CNOT10: variants seen among roughly 807,000 people sequenced by gnomAD.
CNOT10 encodes the protein CCR4-NOT transcription complex subunit 10, also known as CCR4-NOT transcription complex, subunit 10.
In CNOT10, 30 loss-of-function variants were observed where a neutral mutation model predicts 94.6. The observed-to-expected ratio is 0.32, with a 90% CI of 0.24 to 0.43. The LOEUF (loss-of-function observed/expected upper bound fraction) is 0.43, where lower values mean the gene tolerates loss of function less well. Among genes scored for constraint, CNOT10 ranks in the 20% least tolerant of loss-of-function variants. The pLI is 1.00. For synonymous variants in CNOT10, 289 were observed against 301.6 expected, an observed-to-expected ratio of 0.96 and a Z score of 0.43; for missense variants, 759 against 877.2, an observed-to-expected ratio of 0.87 and a Z score of 1.70.
At chr3:32,720,891 TTTCCTTCCTTCCTTCC>T (rs745348303) in intron 8 of CNOT10, among the ~76,000 whole-genome samples, 1,442 of 107,354 alleles carry the variant, frequency 0.013, 16 homozygotes, top group African/African-American at 0.035. Context: ...TTTTCCTTCT[TTTCCTTCCTTCCTTCC>T]TTCCTTCCTT....
intron 13 of CNOT10, among the ~76,000 whole-genome samples, chr3:32,741,507 C>T (rs912232572): frequency 3.9e-5 from 6 of 152,036 alleles, no homozygotes; most frequent in South Asian, 2.1e-4. Context: ...TGGTGGCTCA[C>T]GTCTGTAATC....
chr3:32,772,025 TAGAAAAG>T (rs1700929679), intron 18 of CNOT10, among the ~76,000 whole-genome samples: 1 of 152,078 alleles, frequency 6.6e-6, no homozygotes, highest in African/African-American at 2.4e-5. Flanking sequence ...TAGCATGAAG[TAGAAAAG>T]AGACATGAAT....
intron 3 of CNOT10, among the ~76,000 whole-genome samples, chr3:32,706,025 A>C (rs1273321498): frequency 6.6e-6 from 1 of 152,142 alleles, no homozygotes; most frequent in Non-Finnish European, 1.5e-5. Flanking sequence ...TTATTATCTC[A>C]GTTTTAAAAC....
intron 13 of CNOT10, among the ~76,000 whole-genome samples, chr3:32,754,257 C>G (rs1700098215): frequency 6.6e-6 from 1 of 151,170 alleles, no homozygotes; most frequent in South Asian, 2.1e-4. Context: ...GTGGGAGGAT[C>G]ATGAGGTCAG....
chr3:32,764,498 A>G lies in CNOT10; in HGVS notation c.1876+8A>G, dbSNP rs1455988676. On this transcript the variant is annotated splice_region_variant and intron_variant, in intron 16 of 18. Transcript: ENST00000328834. ...ATGAAGCAATGGAATCCTGTAAGTA[A>G]GAAGTTTTGTGATACTTAAGTAGCC... The G allele has an allele frequency of 1.2e-5, 19 of 1,613,214 alleles. No homozygotes were observed. Among genetic ancestry groups the G allele is most frequent in the Non-Finnish European group, 1.6e-5 (19 of 1,179,768 alleles).
At position 32,766,399 on chromosome 3, in the gene CNOT10, G is replaced by A. The variant is rs1401066238; in HGVS notation, c.2004+1590G>A. On this transcript the variant is annotated intron_variant, in intron 17 of 18. Transcript: ENST00000328834. ...TGTAATCCCAGCACTTTGGGAGGCC[G>A]AGGTGGGCGGATCATGAGGTCAGGA... 4.3e-5 allele frequency among the ~76,000 whole-genome samples: 2 copies of A among 46,954 alleles called. 1 individual carries two copies. The highest frequency in any genetic ancestry group is 5.6e-4 in the Admixed American group (2 of 3,546). The allele number at this position is 46,954 out of a possible 152,430, so 30.8% of individuals were successfully genotyped here. A position where few individuals can be genotyped will look rare whatever the true frequency, so the allele number is the denominator to read the frequency against.
At chr3:32,693,543 CTTTT>C (rs374393225) in intron 1 of CNOT10, 6 of 137,044 alleles carry the variant, frequency 4.4e-5, no homozygotes, top group Middle Eastern at 3.9e-3. Flanking sequence ...ATATATTGGT[CTTTT>C]TTTTTTTTTT....
In CNOT10 at chr3:32,767,412, G is replaced by C. The variant is rs892703725; in HGVS notation, c.2005-2475G>C. 1.8e-3 allele frequency among the ~76,000 whole-genome samples: 268 copies of C among 151,852 alleles called. 1 individual carries two copies. Among genetic ancestry groups the C allele is most frequent in the African/African-American group, 6.3e-3 (260 of 41,406 alleles). ...CACATGCCTGTAACCCCAGATACTC[G>C]GGAGGCTGAGGCAGGATAATTGCTT... On this transcript the variant is annotated intron_variant, in intron 17 of 18. Transcript: ENST00000328834.
At chr3:32,708,280 AAGGTC>A (rs1187005300) in intron 3 of CNOT10, among the ~76,000 whole-genome samples, 1 of 152,198 alleles carries the variant, frequency 6.6e-6, no homozygotes, top group African/African-American at 2.4e-5. Flanking sequence ...TTTTATGGGA[AAGGTC>A]ATTTTGAGTT....
At chr3:32,769,864 G>C in intron 17 of CNOT10, 23 bp from the exon 18 acceptor site, 2 of 1,600,200 alleles carry the variant, frequency 1.2e-6, no homozygotes, top group Non-Finnish European at 1.7e-6. Flanking sequence ...TTTTTCACGG[G>C]CATCTTTCTG....
intron 4 of CNOT10, among the ~76,000 whole-genome samples, chr3:32,709,607 A>G (rs1041679094): frequency 2.0e-5 from 3 of 152,098 alleles, no homozygotes; most frequent in Non-Finnish European, 4.4e-5. Flanking sequence ...GCTGATTACT[A>G]TGGCTCCAGA....
At chr3:32,719,390 A>T (rs540318231) in intron 7 of CNOT10, among the ~76,000 whole-genome samples, 32 of 152,360 alleles carry the variant, frequency 2.1e-4, no homozygotes, top group African/African-American at 7.2e-4. Flanking sequence ...ACTGTACTCC[A>T]GCCTGGGTGA....
chr3:32,739,094 C>T (rs1015507062), intron 13 of CNOT10, among the ~76,000 whole-genome samples: 4 of 151,790 alleles, frequency 2.6e-5, no homozygotes, highest in East Asian at 1.9e-4. Flanking sequence ...TTAGTAGAGA[C>T]GGGGTTTTAC....
At chr3:32,748,752 C>G (rs1370302323) in intron 13 of CNOT10, among the ~76,000 whole-genome samples, 2 of 151,952 alleles carry the variant, frequency 1.3e-5, no homozygotes, top group Non-Finnish European at 2.9e-5. Flanking sequence ...CCTCAAGTGA[C>G]CTGCCCACCT....
At chr3:32,712,135 T>C (rs1697918225) in intron 4 of CNOT10, among the ~76,000 whole-genome samples, 1 of 151,762 alleles carries the variant, frequency 6.6e-6, no homozygotes, top group African/African-American at 2.4e-5. Flanking sequence ...ACCTTGCTGC[T>C]TTTGCTTCTG....
chr3:32,724,651 A>G (rs193285859), intron 8 of CNOT10, among the ~76,000 whole-genome samples: 21 of 152,126 alleles, frequency 1.4e-4, no homozygotes, highest in Middle Eastern at 6.8e-3. Flanking sequence ...TGACCTCGTG[A>G]TCCGCCCACC....
At chr3:32,753,372 C>T (rs539111230) in intron 13 of CNOT10, 24 of 1,357,752 alleles carry the variant, frequency 1.8e-5, no homozygotes, top group Admixed American at 1.3e-4. Flanking sequence ...ATTACACTTA[C>T]GATCAAGAAT....
chr3:32,728,467 A>G (rs1171435898), intron 10 of CNOT10, among the ~76,000 whole-genome samples: 1 of 151,736 alleles, frequency 6.6e-6, no homozygotes, highest in Non-Finnish European at 1.5e-5. Flanking sequence ...ACAAAAAATT[A>G]CTGGGTGTGG....
At chr3:32,759,642 G>A in intron 14 of CNOT10, 71 bp downstream of exon 14, 1 of 1,122,006 alleles carries the variant, frequency 8.9e-7, no homozygotes, top group South Asian at 1.3e-5. Flanking sequence ...TGTGGTTTAT[G>A]TTGCTTCTTT....
Sources: gnomAD v4.1 joint callset for allele counts (sites outside exome capture counted in the v4.1 genomes callset) on GRCh38, gnomAD v4.1.1 for gene constraint, MANE v1.5 for transcripts, NCBI Gene and HGNC (gene_info 2026-07-23, HGNC 2026-07-21) for gene names.